Variants in METAP1 observed in about 807,000 individuals in gnomAD.
The protein encoded by METAP1 is methionine aminopeptidase 1.
In METAP1, 28 loss-of-function variants were observed where a neutral mutation model predicts 53.8. The observed-to-expected ratio is 0.52, with a 90% CI of 0.39 to 0.71. The LOEUF (loss-of-function observed/expected upper bound fraction) is 0.71, where lower values mean the gene tolerates loss of function less well. Among genes scored for constraint, METAP1 ranks in the 30% least tolerant of loss-of-function variants. The probability of loss-of-function intolerance (pLI) is 0.00; values close to 1 mark genes in which losing one functional copy is unlikely to be tolerated. For synonymous variants in METAP1, 181 were observed against 165.7 expected, an observed-to-expected ratio of 1.09 and a Z score of -0.71; for missense variants, 389 against 479.8, an observed-to-expected ratio of 0.81 and a Z score of 1.77.
intron 1 of METAP1, among the ~76,000 whole-genome samples, chr4:98,996,913 C>A (rs552985246): frequency 6.6e-6 from 1 of 152,312 alleles, no homozygotes; most frequent in Admixed American, 6.5e-5. Flanking sequence ...CTGCCCTTGC[C>A]AGTTATTGTG....
intron 1 of METAP1, among the ~76,000 whole-genome samples, chr4:99,010,438 G>A (rs534298564): frequency 4.4e-4 from 67 of 152,258 alleles, no homozygotes; most frequent in African/African-American, 1.5e-3. Flanking sequence ...CTTAGGTGAC[G>A]AGGTGAGACC....
At chr4:99,031,991 G>C (rs1725073338) in intron 2 of METAP1, among the ~76,000 whole-genome samples, 1 of 152,158 alleles carries the variant, frequency 6.6e-6, no homozygotes, top group African/African-American at 2.4e-5. Context: ...ATGCAGTTGT[G>C]CTACCATCAT....
chr4:99,016,677 A>G (rs1291908208), intron 1 of METAP1, among the ~76,000 whole-genome samples: 2 of 152,220 alleles, frequency 1.3e-5, no homozygotes, highest in Non-Finnish European at 1.5e-5. Flanking sequence ...AATATAATCA[A>G]CTTGAACACT....
At chr4:99,007,201 C>T (rs567048211) in intron 1 of METAP1, among the ~76,000 whole-genome samples, 1 of 152,224 alleles carries the variant, frequency 6.6e-6, no homozygotes, top group South Asian at 2.1e-4. Flanking sequence ...AAGTGATCTG[C>T]TTGCCTCGGC....
intron 9 of METAP1, among the ~76,000 whole-genome samples, chr4:99,051,276 A>G (rs1292773162): frequency 2.6e-5 from 4 of 152,168 alleles, no homozygotes; most frequent in Non-Finnish European, 5.9e-5. Context: ...TTATAGTGTC[A>G]GCAAAATATG....
chr4:99,042,082 A>G (rs1725915559), intron 6 of METAP1, among the ~76,000 whole-genome samples: 1 of 151,988 alleles, frequency 6.6e-6, no homozygotes, highest in South Asian at 2.1e-4. Context: ...AGGTAAGGAA[A>G]CTGAGGAAGA....
intron 1 of METAP1, among the ~76,000 whole-genome samples, chr4:99,021,729 C>G (rs1490756429): frequency 6.6e-6 from 1 of 152,132 alleles, no homozygotes; most frequent in African/African-American, 2.4e-5. Flanking sequence ...ACCTCACACT[C>G]TAAACTTAAC....
chr4:99,023,223 T>G, intron 1 of METAP1: 1 of 449,976 alleles, frequency 2.2e-6, no homozygotes, highest in South Asian at 3.1e-5. Flanking sequence ...TAACCTATTT[T>G]ATATTGATGT....
intron 1 of METAP1, among the ~76,000 whole-genome samples, chr4:99,016,250 G>C (rs1723759276): frequency 6.6e-6 from 1 of 152,178 alleles, no homozygotes; most frequent in African/African-American, 2.4e-5. Context: ...ATGTAAGTAA[G>C]GCAATCCATA....
chr4:99,013,201 A>G (rs767940736), intron 1 of METAP1, among the ~76,000 whole-genome samples: 2 of 152,122 alleles, frequency 1.3e-5, no homozygotes, highest in Non-Finnish European at 2.9e-5. Flanking sequence ...GACATTGTAG[A>G]CTTCTTTGCA....
chr4:99,058,947 A>C (rs780761382), intron 10 of METAP1, among the ~76,000 whole-genome samples: 147 of 152,330 alleles, frequency 9.7e-4, no homozygotes, highest in African/African-American at 3.5e-3. Flanking sequence ...ATGTGCAGTA[A>C]AGTTTTTGTC....
intron 1 of METAP1, among the ~76,000 whole-genome samples, chr4:99,002,869 C>T (rs1040754055): frequency 6.6e-6 from 1 of 152,098 alleles, no homozygotes; most frequent in Non-Finnish European, 1.5e-5. Context: ...GCTACGAGAT[C>T]AGCCTGGTCA....
chr4:99,015,062 A>G lies in METAP1; in HGVS notation c.115-13805A>G, dbSNP rs1211283040. On this transcript the variant is annotated intron_variant, in intron 1 of 10. Transcript: ENST00000296411. Reference sequence around the variant, plus strand: ...GAAAGAGAGCTACCACACACTCCAAATCCGTCGCATGTGAAGAACACTTAA... The same window carrying G: ...GAAAGAGAGCTACCACACACTCCAAGTCCGTCGCATGTGAAGAACACTTAA... Among the ~76,000 whole-genome samples the G allele has an allele frequency of 3.3e-5, 5 of 152,136 alleles. No individual in the cohort carries two copies. In the East Asian group the frequency reaches 9.6e-4, roughly 29 times the overall value.
rs1164784023 is a variant in METAP1, at chr4:99,025,288, G to C, written c.115-3579G>C. The C allele has an allele frequency of 3.7e-6, 3 of 805,234 alleles. No individual in the cohort carries two copies. In the African/African-American group the frequency reaches 5.6e-5, roughly 15 times the overall value. The allele number at this position is 805,234 out of a possible 1,614,324, so 49.9% of individuals were successfully genotyped here. ...CCTAGGAATGAACAAGGACAGCTTG[G>C]AGGTTAGAAGCAAGACAGAGTTGGT... On this transcript the variant is annotated intron_variant, in intron 1 of 10. Coordinates refer to ENST00000296411, the MANE Select transcript of METAP1 (RefSeq NM_015143.3).
At chr4:99,060,791 C>T (rs1317278339) in intron 10 of METAP1, among the ~76,000 whole-genome samples, 2 of 152,070 alleles carry the variant, frequency 1.3e-5, no homozygotes, top group East Asian at 1.9e-4. Context: ...AATTATTGTA[C>T]ATATTCATAG....
intron 1 of METAP1, among the ~76,000 whole-genome samples, chr4:99,020,258 AG>A (rs935443196): frequency 1.4e-4 from 21 of 152,160 alleles, no homozygotes; most frequent in African/African-American, 4.6e-4. Flanking sequence ...CATCTAGCAA[AG>A]GCTTAAGCTC....
intron 7 of METAP1, 82 bp from the exon 8 acceptor site, chr4:99,045,097 C>A: frequency 7.3e-7 from 1 of 1,379,160 alleles, no homozygotes. Flanking sequence ...CATTAAGTTG[C>A]TAGATGCTGT....
Position 99,035,401 on chromosome 4 carries a change from T to G in METAP1, c.281T>G (p.Met94Arg). The G allele has an allele frequency of 3.2e-6, 5 of 1,545,626 alleles. No homozygotes were observed. The highest frequency in any genetic ancestry group is 4.4e-6 in the Non-Finnish European group (5 of 1,141,752). The change falls in exon 4 of 11, where the codon ATG becomes AGG. Residue 94 changes from methionine (M) to arginine (R), a missense_variant and splice_region_variant. Coordinates refer to ENST00000296411, the MANE Select transcript of METAP1 (RefSeq NM_015143.3). ...AGTTTTAACTAACTTTGTTTTTAGA[T>G]GCCAACAAGGCCAGTGCCAAGTTAT... is the stretch of plus-strand genomic sequence containing the variant. ...TGKLRPHYPLMPTRPVPSYIQ... is the reference protein window; with the variant it reads ...TGKLRPHYPLRPTRPVPSYIQ...
intron 6 of METAP1, among the ~76,000 whole-genome samples, chr4:99,041,656 A>G (rs557991855): frequency 1.6e-4 from 25 of 152,144 alleles, no homozygotes; most frequent in Admixed American, 1.4e-3. Context: ...AAAGAGTGAT[A>G]AGTAGTTAAT....
Sources: allele counts gnomAD v4.1 joint callset (sites outside exome capture counted in the v4.1 genomes callset), GRCh38; gene constraint gnomAD v4.1.1; transcripts MANE v1.5; gene names NCBI Gene and HGNC (gene_info 2026-07-23, HGNC 2026-07-21).